ACAD10: variants seen among roughly 807,000 people sequenced by gnomAD.
ACAD10 encodes acyl-CoA dehydrogenase family member 10.
Under a neutral mutation model 116.8 loss-of-function variants are expected in ACAD10, and 112 were observed. The ratio of observed to expected loss-of-function variants is 0.96; its 90% CI spans 0.82 to 1.12. ACAD10 has a LOEUF of 1.12. Among genes scored for constraint, ACAD10 ranks in the 50% most tolerant of loss-of-function variants. The probability of loss-of-function intolerance (pLI) is 0.00; values close to 1 mark genes in which losing one functional copy is unlikely to be tolerated. For missense variants in ACAD10, 1,259 were observed against 1,350.2 expected (o/e 0.93, Z 1.06); for synonymous variants, 486 against 510.6 (o/e 0.95, Z 0.65).
rs370331199 is a variant in ACAD10, at chr12:111,746,281, C to T, written c.2253C>T (p.Pro751=). Residue 751 remains proline, a synonymous_variant, in exon 14 of 21, where the codon CCC becomes CCT. Coordinates refer to ENST00000313698, the MANE Select transcript of ACAD10 (RefSeq NM_025247.6). ...CELMGTSLYA[P]EVCNCSAPDT... ...TCATGGGCACGTCCCTGTATGCCCCCGAGGTACCTTCTTTAAAGTTTTCCT... is the reference window on the plus strand; with the variant it reads ...TCATGGGCACGTCCCTGTATGCCCCTGAGGTACCTTCTTTAAAGTTTTCCT... 6.3e-5 allele frequency: 102 copies of T among 1,610,090 alleles called. 1 individual carries two copies. Among genetic ancestry groups the T allele is most frequent in the Non-Finnish European group, 8.1e-5 (95 of 1,178,826 alleles).
chr12:111,754,662 G>A (rs749066532), intron 19 of ACAD10, among the ~76,000 whole-genome samples: 37 of 152,204 alleles, frequency 2.4e-4, no homozygotes, highest in African/African-American at 7.7e-4. Flanking sequence ...TGACGCTGGC[G>A]TGCTAGATAT....
At chr12:111,730,085 C>T (rs1889344480) in intron 10 of ACAD10, 129 bp downstream of exon 10, 1 of 1,320,436 alleles carries the variant, frequency 7.6e-7, no homozygotes, top group Non-Finnish European at 1.0e-6. Context: ...CTGTGTGTGG[C>T]CTTTTCAGGC....
intron 18 of ACAD10, chr12:111,753,254 T>C (rs1374999732): frequency 9.9e-6 from 3 of 302,368 alleles, no homozygotes; most frequent in Non-Finnish European, 2.0e-5. Context: ...AAAATCCCCC[T>C]TGCAGATAAG....
At chr12:111,736,001 T>C (rs1184870810) in intron 11 of ACAD10, among the ~76,000 whole-genome samples, 2 of 151,792 alleles carry the variant, frequency 1.3e-5, no homozygotes, top group African/African-American at 4.8e-5. Context: ...GGCCTCGGCC[T>C]CCTGAGTAGC....
Position 111,748,302 on chromosome 12 carries a change from C to T in ACAD10, c.2486-15C>T. The T allele has an allele frequency of 6.2e-7, 1 of 1,614,008 alleles. No individual in the cohort carries two copies. The highest frequency in any genetic ancestry group is 2.2e-5 in the East Asian group (1 of 44,876). On this transcript the variant is annotated splice_polypyrimidine_tract_variant and intron_variant, in intron 16 of 20. Coordinates refer to ENST00000313698, the MANE Select transcript of ACAD10 (RefSeq NM_025247.6). ...GTGTCAGATGATGGGGTCTGTCTCT[C>T]TCCTTTCCTGGCAGGCATCCTGGAT...
chr12:111,692,127 C>G (rs906588204), intron 1 of ACAD10, among the ~76,000 whole-genome samples: 8 of 152,154 alleles, frequency 5.3e-5, no homozygotes, highest in Non-Finnish European at 1.0e-4. Context: ...CGCCACCATG[C>G]CCGGCTAATT....
rs188162618 is a variant in ACAD10 at position 111,713,180 on chromosome 12, G to A, written c.850+523G>A. On this transcript the variant is annotated intron_variant, in intron 6 of 20. Coordinates refer to ENST00000313698, the MANE Select transcript of ACAD10 (RefSeq NM_025247.6). ...ACAAAAATTAGCTGGGTGTGGTGGT[G>A]GGTGCCTGTAATCCCAGATACTCGG... 2.0e-5 allele frequency among the ~76,000 whole-genome samples: 3 copies of A among 151,882 alleles called. No homozygotes were observed. In the East Asian group the frequency reaches 5.8e-4, roughly 29 times the overall value.
intron 3 of ACAD10, among the ~76,000 whole-genome samples, chr12:111,704,134 C>G (rs1249027924): frequency 7.1e-6 from 1 of 141,494 alleles, no homozygotes; most frequent in Non-Finnish European, 1.6e-5. Flanking sequence ...GTACGGTTTA[C>G]TTTTTTTTTT....
At chr12:111,705,636 G>A in intron 3 of ACAD10, 102 bp from the exon 4 acceptor site, 1 of 1,076,982 alleles carries the variant, frequency 9.3e-7, no homozygotes, top group South Asian at 1.6e-5. Flanking sequence ...TTGTAGCAGA[G>A]AGCAGAAGGA....
intron 12 of ACAD10, among the ~76,000 whole-genome samples, chr12:111,740,836 TAAAAAC>T (rs1181652319): frequency 9.6e-5 from 14 of 145,962 alleles, no homozygotes; most frequent in Non-Finnish European, 2.0e-4. Flanking sequence ...AAGCAAAACT[TAAAAAC>T]AAAAGGCAAG....
At chr12:111,710,296 C>T (rs181174401) in intron 5 of ACAD10, 191 of 454,704 alleles carry the variant, frequency 4.2e-4, no homozygotes, top group Non-Finnish European at 6.8e-4. Context: ...CCGTGTTGCC[C>T]AAGCTGGTGT....
At chr12:111,720,001 G>A (rs1245839869) in intron 7 of ACAD10, among the ~76,000 whole-genome samples, 1 of 151,934 alleles carries the variant, frequency 6.6e-6, no homozygotes, top group Non-Finnish European at 1.5e-5. Flanking sequence ...TGCTGAGATT[G>A]CAGGCATGAG....
chr12:111,724,451 G>C (rs1889151548), intron 8 of ACAD10, among the ~76,000 whole-genome samples: 1 of 152,216 alleles, frequency 6.6e-6, no homozygotes, highest in Non-Finnish European at 1.5e-5. Context: ...GGCCAAGGCA[G>C]GCGGCTGGGA....
At chr12:111,747,728 G>A (rs1034886030) in intron 16 of ACAD10, 1 of 1,133,476 alleles carries the variant, frequency 8.8e-7, no homozygotes, top group Non-Finnish European at 1.1e-6. Flanking sequence ...TCGATCAGGT[G>A]TGTTACATCC....
chr12:111,753,295 C>T (rs1453123198), intron 18 of ACAD10: 3 of 342,928 alleles, frequency 8.7e-6, no homozygotes, highest in East Asian at 7.5e-5. Flanking sequence ...GGGAGCGAGA[C>T]GGGGCTGAGG....
chr12:111,740,220 C>G (rs1228731148), intron 12 of ACAD10, among the ~76,000 whole-genome samples: 2 of 152,104 alleles, frequency 1.3e-5, no homozygotes, highest in Non-Finnish European at 2.9e-5. Flanking sequence ...TCCTAGCACA[C>G]TGGGAGGCCG....
chr12:111,725,059 T>C (rs1793990986), intron 8 of ACAD10, among the ~76,000 whole-genome samples: 1 of 152,220 alleles, frequency 6.6e-6, no homozygotes, highest in Admixed American at 6.5e-5. Flanking sequence ...TGTTTACACT[T>C]CATCTAGATC....
At position 111,709,671 on chromosome 12, in the gene ACAD10, T is replaced by G. The variant is rs1888613972; in HGVS notation, c.677T>G (p.Ile226Ser). 1 of 1,612,992 alleles carries G rather than the reference T, an allele frequency of 6.2e-7. No individual in the cohort carries two copies. The highest frequency in any genetic ancestry group is 8.5e-7 in the Non-Finnish European group (1 of 1,179,722). The change falls in exon 5 of 21, where the codon ATT becomes AGT. Residue 226 changes from isoleucine to serine, a missense_variant. Coordinates refer to ENST00000313698, the MANE Select transcript of ACAD10 (RefSeq NM_025247.6). ...CTAAAAGAAGCTGCCAGACTTGGTA[T>G]TCACACCATTAAGGTAATAGTCACT... is the stretch of plus-strand genomic sequence containing the variant. ...TNLKEAARLG[I>S]HTIKVNDPET...
intron 12 of ACAD10, among the ~76,000 whole-genome samples, chr12:111,741,034 C>G (rs532728146): frequency 6.6e-6 from 1 of 152,096 alleles, no homozygotes; most frequent in Non-Finnish European, 1.5e-5. Flanking sequence ...ATATGAGCCT[C>G]TACTAAAAGC....
Sources: allele counts gnomAD v4.1 joint callset (sites outside exome capture counted in the v4.1 genomes callset), GRCh38; gene constraint gnomAD v4.1.1; transcripts MANE v1.5; gene names NCBI Gene and HGNC (gene_info 2026-07-23, HGNC 2026-07-21).